The following GAD1 variants were observed in gnomAD, a reference collection of about 807,000 sequenced individuals.
GAD1 encodes glutamate decarboxylase 1, also known as 67 kDa glutamic acid decarboxylase.
In GAD1, 35 loss-of-function variants were observed where a neutral mutation model predicts 75.2. The observed-to-expected ratio is 0.47, with a 90% CI of 0.36 to 0.62. The LOEUF is 0.62. GAD1 is among the 20% of genes least tolerant of loss of function. The pLI is 0.00. For missense variants in GAD1, 490 were observed against 758.5 expected (o/e 0.65, Z 4.16); for synonymous variants, 257 against 271.9 (o/e 0.95, Z 0.54).
At chr2:170,824,378 TACAC>T (rs10529529) in intron 3 of GAD1, among the ~76,000 whole-genome samples, 31,652 of 145,916 alleles carry the variant, frequency 0.22, 3,379 homozygotes, top group Middle Eastern at 0.3. Context: ...CCTGCCTGCC[TACAC>T]ACACACACAC....
At chr2:170,834,734 CATA>C (rs1160864270) in intron 5 of GAD1, among the ~76,000 whole-genome samples, 1 of 151,794 alleles carries the variant, frequency 6.6e-6, no homozygotes, top group Non-Finnish European at 1.5e-5. Flanking sequence ...AAATCCCCAA[CATA>C]ATATTATTGT....
intron 7 of GAD1, 82 bp from the exon 8 acceptor site, chr2:170,845,424 T>C: frequency 8.3e-7 from 1 of 1,210,976 alleles, no homozygotes; most frequent in South Asian, 1.2e-5. Flanking sequence ...CCCTTGTCTC[T>C]TGAGACACCA....
chr2:170,824,996 TAGAG>T (rs1372775608), intron 3 of GAD1, among the ~76,000 whole-genome samples: 2 of 151,804 alleles, frequency 1.3e-5, no homozygotes, highest in East Asian at 1.9e-4. Context: ...ACCTTAAAAA[TAGAG>T]AGATTTCAAG....
rs536792702 is a variant in GAD1 at position 170,848,259 on chromosome 2, C to T, written c.1119+467C>T. On this transcript the variant is annotated intron_variant, in intron 11 of 16. Coordinates refer to ENST00000358196, the MANE Select transcript of GAD1 (RefSeq NM_000817.3). ...ACGCTTGTAATGCCAGCACTTTGGG[C>T]GGCCAAGGCAGGTGGATCACCTGAG... Among the ~76,000 whole-genome samples the T allele has an allele frequency of 6.6e-5, 10 of 152,156 alleles. No individual in the cohort carries two copies. The East Asian group carries it at 1.2e-3, about 18-fold the overall frequency.
At position 170,855,527 on chromosome 2, in the gene GAD1, A is replaced by AAAT. The variant is rs376449042; in HGVS notation, c.1414-1489_1414-1487dup. Among the ~76,000 whole-genome samples the AAAT allele has an allele frequency of 2.0e-5, 3 of 151,830 alleles. No individual in the cohort carries two copies. The East Asian group carries it at 5.8e-4, about 30-fold the overall frequency. ...CCAGCTCTATTTTGACTTAATATAG[A>AAAT]AATAGTCTGAATTTGATTTCTATTA... On this transcript the variant is annotated intron_variant, in intron 14 of 16. Coordinates refer to ENST00000358196, the MANE Select transcript of GAD1 (RefSeq NM_000817.3).
intron 7 of GAD1, 153 bp from the exon 8 acceptor site, chr2:170,845,353 G>T (rs1435951290): frequency 1.4e-6 from 1 of 717,178 alleles, no homozygotes; most frequent in Non-Finnish European, 2.5e-6. Flanking sequence ...CCAGTGGGAA[G>T]CCCCAGCAAT....
chr2:170,838,619 T>A (rs1702428496), intron 6 of GAD1, among the ~76,000 whole-genome samples: 1 of 152,190 alleles, frequency 6.6e-6, no homozygotes, highest in Non-Finnish European at 1.5e-5. Flanking sequence ...AGCTGCTTTT[T>A]CCATGTATAT....
intron 6 of GAD1, among the ~76,000 whole-genome samples, chr2:170,840,253 G>A (rs774897142): frequency 7.9e-5 from 12 of 152,266 alleles, no homozygotes; most frequent in African/African-American, 2.4e-4. Flanking sequence ...GGCAACCACC[G>A]CACAGTCACT....
chr2:170,842,223 C>T (rs1486194164), intron 6 of GAD1, among the ~76,000 whole-genome samples: 1 of 152,174 alleles, frequency 6.6e-6, no homozygotes, highest in Non-Finnish European at 1.5e-5. Context: ...CATTCCCTCT[C>T]CCTTGTCCAT....
intron 7 of GAD1, among the ~76,000 whole-genome samples, chr2:170,844,407 C>CTTTTTTTTTTTTTT (rs11327360): frequency 8.0e-6 from 1 of 124,514 alleles, no homozygotes; most frequent in East Asian, 2.3e-4. Flanking sequence ...TTTCTTTTTT[C>CTTTTTTTTTTTTTT]TTTTTTTTTT....
chr2:170,849,193 C>T, intron 11 of GAD1, 93 bp from the exon 12 acceptor site: 1 of 1,089,182 alleles, frequency 9.2e-7, no homozygotes, highest in Admixed American at 1.8e-5. Flanking sequence ...CTTGTACTTT[C>T]TTGCTCATGT....
intron 3 of GAD1, among the ~76,000 whole-genome samples, chr2:170,828,218 A>C (rs1393807310): frequency 1.5e-3 from 60 of 38,880 alleles, no homozygotes; most frequent in Admixed American, 2.7e-3. Context: ...TGCTATCCTC[A>C]CCCCTCCTCT....
chr2:170,849,401 C>T (rs756504166), intron 12 of GAD1, 51 bp downstream of exon 12: 29 of 1,531,558 alleles, frequency 1.9e-5, no homozygotes, highest in Non-Finnish European at 2.5e-5. Flanking sequence ...ATCAAACAGA[C>T]CATGCTCTGA....
intron 6 of GAD1, among the ~76,000 whole-genome samples, chr2:170,842,205 T>C (rs1339580578): frequency 1.3e-5 from 2 of 152,200 alleles, no homozygotes; most frequent in Non-Finnish European, 2.9e-5. Context: ...ATGCCTGATA[T>C]TCAGTCCCAT....
intron 3 of GAD1, among the ~76,000 whole-genome samples, chr2:170,824,411 A>T (rs1701975794): frequency 9.1e-6 from 1 of 110,292 alleles, no homozygotes; most frequent in African/African-American, 3.0e-5. Context: ...ACACACACAC[A>T]CACACACACC....
At chr2:170,842,653 TG>T (rs1702542846) in intron 6 of GAD1, 1 of 1,613,946 alleles carries the variant, frequency 6.2e-7, no homozygotes, top group South Asian at 1.1e-5. Context: ...CCAGAGGTGA[TG>T]GTAACTGCAC....
intron 6 of GAD1, chr2:170,843,760 T>C (rs974296699): frequency 5.0e-6 from 2 of 402,072 alleles, no homozygotes; most frequent in Admixed American, 8.2e-5. Flanking sequence ...CTTCTATTCC[T>C]CTGGGTGGAC....
chr2:170,857,256 T>C (rs1292671691), intron 15 of GAD1, 131 bp downstream of exon 15: 1 of 683,186 alleles, frequency 1.5e-6, no homozygotes, highest in Non-Finnish European at 2.6e-6. Context: ...TTTATTCTTA[T>C]ACACTCTTAA....
intron 5 of GAD1, among the ~76,000 whole-genome samples, chr2:170,836,044 T>C (rs1435684080): frequency 1.3e-5 from 2 of 152,164 alleles, no homozygotes; most frequent in African/African-American, 2.4e-5. Flanking sequence ...GAATAGAGAT[T>C]CTCAGAGAGG....
Sources: gnomAD v4.1 joint callset for allele counts (sites outside exome capture counted in the v4.1 genomes callset) on GRCh38, gnomAD v4.1.1 for gene constraint, MANE v1.5 for transcripts, NCBI Gene and HGNC (gene_info 2026-07-23, HGNC 2026-07-21) for gene names.